UBE2G1: variants seen among roughly 807,000 people sequenced by gnomAD.
UBE2G1 encodes the protein ubiquitin conjugating enzyme E2 G1, also known as ubiquitin-conjugating enzyme E2 G1.
UBE2G1 carries 5 observed loss-of-function variants against 22.7 expected under a neutral mutation model. The ratio of observed to expected loss-of-function variants is 0.22; its 90% CI spans 0.12 to 0.46. The LOEUF is 0.46. Ranked by LOEUF, UBE2G1 falls within the 20% of genes least tolerant of loss-of-function variation. UBE2G1 has a pLI of 0.99. For missense variants in UBE2G1, 88 were observed against 203.9 expected (o/e 0.43, Z 3.46); for synonymous variants, 74 against 67.5 (o/e 1.10, Z -0.47).
intron 1 of UBE2G1, among the ~76,000 whole-genome samples, chr17:4,312,712 A>G (rs543475109): frequency 6.6e-6 from 1 of 151,584 alleles, no homozygotes; most frequent in Non-Finnish European, 1.5e-5. Context: ...AAAAAAAAAA[A>G]AAACAAAAGC....
At chr17:4,316,826 G>C (rs1183497923) in intron 1 of UBE2G1, among the ~76,000 whole-genome samples, 2 of 151,338 alleles carry the variant, frequency 1.3e-5, no homozygotes, top group African/African-American at 4.9e-5. Flanking sequence ...CCCAGTCCTA[G>C]CTACTGGGGA....
chr17:4,305,331 C>G (rs547604294), intron 2 of UBE2G1, among the ~76,000 whole-genome samples: 1 of 152,322 alleles, frequency 6.6e-6, no homozygotes, highest in Admixed American at 6.5e-5. Flanking sequence ...TCCCCTGTAC[C>G]TTCCTTTGCC....
At chr17:4,279,564 C>T (rs16953866) in intron 5 of UBE2G1, among the ~76,000 whole-genome samples, 56,376 of 151,408 alleles carry the variant, frequency 0.37, 11,140 homozygotes, top group African/African-American at 0.5. Context: ...AGCCAAGAAA[C>T]GAAAAGTAAA....
chr17:4,331,833 A>C (rs1236074139), intron 1 of UBE2G1: 1 of 152,242 alleles, frequency 6.6e-6, no homozygotes, highest in Non-Finnish European at 1.5e-5. Context: ...GAGAGGCGCC[A>C]GTTCAGTGAC....
intron 1 of UBE2G1, among the ~76,000 whole-genome samples, chr17:4,349,210 C>G (rs945683189): frequency 1.3e-5 from 2 of 152,108 alleles, no homozygotes; most frequent in African/African-American, 4.8e-5. Flanking sequence ...GTCCCAGCTA[C>G]TCAGGATGCT....
intron 5 of UBE2G1, among the ~76,000 whole-genome samples, chr17:4,274,851 G>C (rs1476717364): frequency 6.6e-6 from 1 of 151,234 alleles, no homozygotes; most frequent in Admixed American, 6.6e-5. Context: ...CCAGGAGTTC[G>C]AGACCAGCCT....
At chr17:4,291,457 T>C (rs1408641813) in intron 3 of UBE2G1, among the ~76,000 whole-genome samples, 1 of 152,184 alleles carries the variant, frequency 6.6e-6, no homozygotes, top group Non-Finnish European at 1.5e-5. Flanking sequence ...ATGTTTTCTG[T>C]ACTTACTGTG....
At chr17:4,300,966 A>C (rs1969171354) in intron 2 of UBE2G1, among the ~76,000 whole-genome samples, 1 of 152,014 alleles carries the variant, frequency 6.6e-6, no homozygotes, top group Admixed American at 6.6e-5. Context: ...GAGATATGTA[A>C]CCAGCAGTTT....
chr17:4,366,201 A>T, intron 1 of UBE2G1, 70 bp downstream of exon 1: 5 of 1,451,812 alleles, frequency 3.4e-6, no homozygotes, highest in Non-Finnish European at 4.5e-6. Context: ...GCCCGGGAGG[A>T]GAAGAGGGAC....
At chr17:4,351,522 G>A (rs1969844610) in intron 1 of UBE2G1, among the ~76,000 whole-genome samples, 2 of 152,166 alleles carry the variant, frequency 1.3e-5, no homozygotes, top group Admixed American at 1.3e-4. Context: ...GAGAGATGTA[G>A]AAATAACCAG....
chr17:4,298,705 G>A (rs1444759194), intron 2 of UBE2G1, among the ~76,000 whole-genome samples: 2 of 152,162 alleles, frequency 1.3e-5, no homozygotes, highest in African/African-American at 4.8e-5. Flanking sequence ...GGGTAGTAAA[G>A]TACTTAAGCA....
At chr17:4,308,328 G>A (rs550226304) in intron 1 of UBE2G1, among the ~76,000 whole-genome samples, 104 of 152,206 alleles carry the variant, frequency 6.8e-4, no homozygotes, top group African/African-American at 2.3e-3. Context: ...ACTCCAGCCC[G>A]GGCAACAAGG....
chr17:4,361,940 C>G (rs7211833), intron 1 of UBE2G1, among the ~76,000 whole-genome samples: 1 of 137,644 alleles, frequency 7.3e-6, no homozygotes, highest in Admixed American at 7.9e-5. Flanking sequence ...CCAGCCTGGG[C>G]GACAGAGCAA....
In UBE2G1 at chr17:4,287,354, G is replaced by A. The variant is rs1414417285; in HGVS notation, c.426+1876C>T. On this transcript the variant is annotated intron_variant, in intron 4 of 5. Transcript: ENST00000396981. ...CCTGACCTTGTGATCTGCCCACCTC[G>A]GCCTCCCAAACGGCTGGGATTACAG... 4.6e-5 allele frequency among the ~76,000 whole-genome samples: 7 copies of A among 150,996 alleles called. No individual in the cohort carries two copies. In the East Asian group the frequency reaches 9.7e-4, roughly 21 times the overall value.
chr17:4,345,952 T>C (rs1012270017), intron 1 of UBE2G1, among the ~76,000 whole-genome samples: 2 of 152,240 alleles, frequency 1.3e-5, no homozygotes, highest in South Asian at 4.1e-4. Context: ...ATAATTTGGA[T>C]ACCAAGTGTT....
chr17:4,307,165 A>G (rs1359543317), intron 1 of UBE2G1, 42 bp from the exon 2 acceptor site: 13 of 1,513,496 alleles, frequency 8.6e-6, no homozygotes, highest in Non-Finnish European at 1.1e-5. Flanking sequence ...TTAAGCACAT[A>G]ATTTGCATCC....
chr17:4,349,700 G>A (rs753351858), intron 1 of UBE2G1, among the ~76,000 whole-genome samples: 8 of 151,630 alleles, frequency 5.3e-5, no homozygotes, highest in South Asian at 2.1e-4. Flanking sequence ...AAAATTAGCC[G>A]GGCGTGGTGG....
At chr17:4,327,098 C>T (rs1969511323) in intron 1 of UBE2G1, among the ~76,000 whole-genome samples, 1 of 152,004 alleles carries the variant, frequency 6.6e-6, no homozygotes, top group South Asian at 2.1e-4. Context: ...AAGTTCGAGG[C>T]CAGCCTGACC....
At chr17:4,295,762 T>C (rs968449613) in intron 3 of UBE2G1, among the ~76,000 whole-genome samples, 2 of 151,750 alleles carry the variant, frequency 1.3e-5, no homozygotes, top group East Asian at 3.9e-4. Flanking sequence ...TTTTACTTTA[T>C]AGAGAATTTT....
Sources: allele counts gnomAD v4.1 joint callset (sites outside exome capture counted in the v4.1 genomes callset), GRCh38; gene constraint gnomAD v4.1.1; transcripts MANE v1.5; gene names NCBI Gene and HGNC (gene_info 2026-07-23, HGNC 2026-07-21).